LRRC73: variants seen among roughly 807,000 people sequenced by gnomAD.
The protein encoded by LRRC73 is leucine rich repeat containing 73.
LRRC73 carries 16 observed loss-of-function variants against 26.4 expected under a neutral mutation model. The ratio of observed to expected loss-of-function variants is 0.61; its 90% CI spans 0.41 to 0.92. The LOEUF (loss-of-function observed/expected upper bound fraction) is 0.92. Among genes scored for constraint, LRRC73 ranks in the 40% least tolerant of loss-of-function variants. The pLI, the probability that LRRC73 is intolerant of heterozygous loss-of-function variation, is 0.00. For missense variants in LRRC73, 344 were observed against 416.3 expected (o/e 0.83, Z 1.51); for synonymous variants, 210 against 179.8 (o/e 1.17, Z -1.34).
At chr6:43,508,665 C>T (rs1792579400) in intron 2 of LRRC73, 95 bp downstream of exon 2, 2 of 1,489,830 alleles carry the variant, frequency 1.3e-6, no homozygotes, top group Non-Finnish European at 1.8e-6. Flanking sequence ...TTCTCGCCCA[C>T]ATCATCAGAG....
exon 3 of LRRC73, chr6:43,508,333 T>G: frequency 6.2e-7 from 1 of 1,613,564 alleles, no homozygotes. Context: ...GACGCGGACC[T>G]GGGAGCTGTG....
exon 6 of LRRC73, chr6:43,507,268 C>T (rs1428554449): frequency 1.2e-6 from 2 of 1,613,940 alleles, no homozygotes; most frequent in South Asian, 1.1e-5. Flanking sequence ...ACAGACTGTC[C>T]CCTAGTCCTG....
chr6:43,510,021 G>C (rs1023601876), exon 1 of LRRC73: 4 of 310,414 alleles, frequency 1.3e-5, no homozygotes, highest in African/African-American at 8.8e-5. Flanking sequence ...GGCGTCCAGG[G>C]CGCGGGCCGG....
chr6:43,510,166 G>GGGGGCA (rs2127682009), exon 1 of LRRC73: 1 of 173,224 alleles, frequency 5.8e-6, no homozygotes, highest in East Asian at 1.6e-4. Context: ...CGGCGGCGGC[G>GGGGGCA]GCGGCAGCGG....
exon 1 of LRRC73, chr6:43,509,823 C>T (rs1287143749): frequency 1.4e-6 from 2 of 1,454,018 alleles, no homozygotes; most frequent in Admixed American, 2.5e-5. Flanking sequence ...GGGGCCGGAA[C>T]GGAGGTTGGT....
chr6:43,510,154 C>CGCGGCGGCGGCGGCGGCA (rs1561850877), exon 1 of LRRC73: 3 of 177,210 alleles, frequency 1.7e-5, no homozygotes, highest in African/African-American at 7.2e-5. Context: ...CCCTCGCGGT[C>CGCGGCGGCGGCGGCGGCA]GCGGCGGCGG....
chr6:43,509,858 AG>A (rs1341394555), exon 1 of LRRC73: 1 of 1,335,786 alleles, frequency 7.5e-7, no homozygotes, highest in Non-Finnish European at 9.6e-7. Context: ...GGCCGGGGAT[AG>A]GGCCGGGGTC....
At chr6:43,508,954 T>A in intron 1 of LRRC73, 34 bp from the exon 2 acceptor site, 1 of 1,527,624 alleles carries the variant, frequency 6.5e-7, no homozygotes, top group Non-Finnish European at 8.8e-7. Context: ...GTTACTGCAG[T>A]CCTCCGCACT....
chr6:43,507,208 T>C, exon 6 of LRRC73: 1 of 1,611,380 alleles, frequency 6.2e-7, no homozygotes. Flanking sequence ...CATAGATAAG[T>C]GAAATGGTGT....
chr6:43,508,142 T>C (rs1792558778), intron 3 of LRRC73, among the ~76,000 whole-genome samples, 156 bp downstream of exon 3: 1 of 152,158 alleles, frequency 6.6e-6, no homozygotes, highest in South Asian at 2.1e-4. Flanking sequence ...TATTTGTTGG[T>C]CACCTGGTCC....
chr6:43,508,271 GC>G, intron 3 of LRRC73, 26 bp downstream of exon 3: 1 of 1,594,968 alleles, frequency 6.3e-7, no homozygotes, highest in Non-Finnish European at 8.6e-7. Context: ...GGCAGTGACA[GC>G]CCAAGGGGGT....
At chr6:43,508,917 C>A in exon 2 of LRRC73, 1 of 1,601,280 alleles carries the variant, frequency 6.2e-7, no homozygotes, top group Non-Finnish European at 8.5e-7. Flanking sequence ...GGCTCCCATG[C>A]AGGCTGGAGG....
chr6:43,509,699 G>C (rs767413791), exon 1 of LRRC73: 3 of 1,591,392 alleles, frequency 1.9e-6, no homozygotes, highest in Non-Finnish European at 8.5e-7. Context: ...GCAGGCGCAC[G>C]GCGTTGTCGC....
intron 5 of LRRC73, 25 bp from the exon 6 acceptor site, chr6:43,507,333 A>G: frequency 1.2e-6 from 2 of 1,613,650 alleles, no homozygotes; most frequent in South Asian, 2.2e-5. Flanking sequence ...AGAAGTGTTC[A>G]GACCACCATT....
chr6:43,508,845 C>T, exon 2 of LRRC73: 1 of 1,613,094 alleles, frequency 6.2e-7, no homozygotes, highest in Non-Finnish European at 8.5e-7. Flanking sequence ...GGTCCAGAGC[C>T]ACGAGGGCAG....
chr6:43,509,230 A>G (rs1792594469), intron 1 of LRRC73, among the ~76,000 whole-genome samples: 1 of 152,188 alleles, frequency 6.6e-6, no homozygotes, highest in African/African-American at 2.4e-5. Flanking sequence ...TTGGGAACCA[A>G]GGAGCTGCCC....
In LRRC73 at chr6:43,509,619, G is replaced by T; in HGVS notation, c.167C>A (p.Thr56Lys). 1.4e-5 allele frequency: 22 copies of T among 1,605,034 alleles called. No homozygotes were observed. The highest frequency in any genetic ancestry group is 1.6e-5 in the Non-Finnish European group (19 of 1,177,396). ...GTTAAGGTTGAGCTGCGCCAGGGAC[G>T]TGGCCCCGGCCAGGGCCCGGCAGAT... The change falls in exon 1 of 6, where the codon ACG becomes AAG. Residue 56 changes from threonine (T) to lysine (K), a missense_variant. Thr to Lys is a moderately conservative substitution (Grantham distance 78). Transcript: ENST00000372441.
At chr6:43,508,728 C>T in intron 2 of LRRC73, 32 bp downstream of exon 2, 1 of 1,570,160 alleles carries the variant, frequency 6.4e-7, no homozygotes, top group Non-Finnish European at 8.7e-7. Context: ...CACTGCCACA[C>T]TAGCCCAAGC....
At chr6:43,508,077 G>C in intron 3 of LRRC73, 151 bp from the exon 4 acceptor site, 1 of 964,526 alleles carries the variant, frequency 1.0e-6, no homozygotes, top group South Asian at 1.7e-5. Context: ...ATTGTGATTG[G>C]TGAGTGAAGG....
Sources: gnomAD v4.1 joint callset for allele counts (sites outside exome capture counted in the v4.1 genomes callset) on GRCh38, gnomAD v4.1.1 for gene constraint, MANE v1.5 for transcripts, NCBI Gene and HGNC (gene_info 2026-07-23, HGNC 2026-07-21) for gene names.